RCAN2: variants seen among roughly 807,000 people sequenced by gnomAD.
RCAN2 encodes the protein regulator of calcineurin 2.
A neutral mutation model predicts 23.6 loss-of-function variants in RCAN2; 9 were observed. The observed-to-expected ratio is 0.38, with a 90% CI of 0.23 to 0.67. RCAN2 has a LOEUF of 0.67. RCAN2 is among the 30% of genes least tolerant of loss of function. The probability of loss-of-function intolerance (pLI) is 0.51; values close to 1 mark genes in which losing one functional copy is unlikely to be tolerated. For missense variants in RCAN2, 273 were observed against 302.3 expected, an observed-to-expected ratio of 0.90 and a Z score of 0.72; for synonymous variants, 109 against 115.7, an observed-to-expected ratio of 0.94 and a Z score of 0.37.
chr6:46,274,633 C>T (rs529037633), intron 2 of RCAN2, among the ~76,000 whole-genome samples: 53 of 152,302 alleles, frequency 3.5e-4, no homozygotes, highest in African/African-American at 1.2e-3. Flanking sequence ...CTGTGCCTCA[C>T]CACCTGGAGA....
intron 1 of RCAN2, among the ~76,000 whole-genome samples, chr6:46,458,823 T>TC (rs1768124004): frequency 6.6e-6 from 1 of 152,250 alleles, no homozygotes; most frequent in African/African-American, 2.4e-5. Flanking sequence ...GTTTTAATAG[T>TC]AAAAATATTT....
At chr6:46,446,767 A>T (rs1349974417) in intron 2 of RCAN2, among the ~76,000 whole-genome samples, 1 of 152,184 alleles carries the variant, frequency 6.6e-6, no homozygotes. Context: ...AGCATAAAAA[A>T]GTCTATTATA....
chr6:46,453,445 G>A (rs925506692), intron 2 of RCAN2, among the ~76,000 whole-genome samples: 2 of 152,122 alleles, frequency 1.3e-5, no homozygotes, highest in Admixed American at 6.5e-5. Flanking sequence ...ACAATCTCAC[G>A]GAATTCTGCC....
chr6:46,250,327 T>C (rs1243121054), intron 2 of RCAN2, among the ~76,000 whole-genome samples: 1 of 152,232 alleles, frequency 6.6e-6, no homozygotes, highest in African/African-American at 2.4e-5. Context: ...ATAAGAAAAC[T>C]AGTATATGTT....
At chr6:46,236,371 C>T (rs1182636696) in intron 4 of RCAN2, among the ~76,000 whole-genome samples, 1 of 151,976 alleles carries the variant, frequency 6.6e-6, no homozygotes, top group Non-Finnish European at 1.5e-5. Flanking sequence ...CTTTCCTAAC[C>T]TTTTCTATAC....
intron 2 of RCAN2, among the ~76,000 whole-genome samples, chr6:46,276,593 TA>T (rs1767715518): frequency 6.6e-6 from 1 of 152,222 alleles, no homozygotes; most frequent in Middle Eastern, 3.2e-3. Flanking sequence ...TCTGAAGGGT[TA>T]TACACAGTCT....
At chr6:46,341,171 T>C (rs1206490393) in intron 2 of RCAN2, among the ~76,000 whole-genome samples, 1 of 152,224 alleles carries the variant, frequency 6.6e-6, no homozygotes, top group East Asian at 1.9e-4. Context: ...TATCTCTGAA[T>C]CTTGTCAAGC....
chr6:46,291,923 G>A (rs7774076), intron 2 of RCAN2, among the ~76,000 whole-genome samples: 5,375 of 152,256 alleles, frequency 0.035, 288 homozygotes, highest in African/African-American at 0.12. Context: ...CAGCACTGGC[G>A]AAGATACAGA....
chr6:46,298,514 C>T (rs945887849), intron 2 of RCAN2, among the ~76,000 whole-genome samples: 2 of 152,024 alleles, frequency 1.3e-5, no homozygotes, highest in African/African-American at 4.8e-5. Flanking sequence ...TATGCTAAAC[C>T]AATAATTTTT....
At chr6:46,438,378 G>A (rs1299554224) in intron 2 of RCAN2, 2 of 152,448 alleles carry the variant, frequency 1.3e-5, no homozygotes, top group African/African-American at 4.8e-5. Context: ...CATAAGCCAA[G>A]GCACAGCTGC....
intron 2 of RCAN2, among the ~76,000 whole-genome samples, chr6:46,302,429 C>A (rs1320941158): frequency 6.6e-6 from 1 of 152,018 alleles, no homozygotes; most frequent in Non-Finnish European, 1.5e-5. Context: ...CTCTGCTGCC[C>A]AGATCACCAG....
intron 4 of RCAN2, among the ~76,000 whole-genome samples, chr6:46,232,030 A>G (rs182135006): frequency 6.6e-6 from 1 of 152,246 alleles, no homozygotes; most frequent in Non-Finnish European, 1.5e-5. Context: ...TGCATCAACA[A>G]GCATTGAATC....
At chr6:46,430,645 A>C (rs1415584455) in intron 2 of RCAN2, among the ~76,000 whole-genome samples, 2 of 152,202 alleles carry the variant, frequency 1.3e-5, no homozygotes, top group Non-Finnish European at 2.9e-5. Context: ...TCTCATCGGG[A>C]ATGTGGATTT....
chr6:46,350,414 G>C (rs1465222640), intron 2 of RCAN2, among the ~76,000 whole-genome samples: 1 of 152,210 alleles, frequency 6.6e-6, no homozygotes, highest in African/African-American at 2.4e-5. Context: ...TTAGATGGGG[G>C]CAGTGTTGCT....
chr6:46,445,535 C>T (rs1767680988), intron 2 of RCAN2, among the ~76,000 whole-genome samples: 1 of 152,146 alleles, frequency 6.6e-6, no homozygotes, highest in African/African-American at 2.4e-5. Context: ...GAATTAGAAA[C>T]AATCAGGGAA....
intron 2 of RCAN2, among the ~76,000 whole-genome samples, chr6:46,339,810 A>G (rs1217638976): frequency 9.2e-5 from 14 of 152,144 alleles, no homozygotes; most frequent in African/African-American, 2.7e-4. Context: ...CAGGGCCTGT[A>G]TATATACAAA....
At chr6:46,251,661 C>G (rs1766726128) in intron 2 of RCAN2, among the ~76,000 whole-genome samples, 1 of 152,034 alleles carries the variant, frequency 6.6e-6, no homozygotes, top group South Asian at 2.1e-4. Flanking sequence ...TTTATCAGAG[C>G]AGTTTGGCCT....
At chr6:46,472,257 C>T (rs951273037) in intron 1 of RCAN2, among the ~76,000 whole-genome samples, 1 of 152,096 alleles carries the variant, frequency 6.6e-6, no homozygotes, top group Non-Finnish European at 1.5e-5. Flanking sequence ...GAAAATATAT[C>T]CCAAACTCCA....
At chr6:46,266,722 C>G (rs1029597182) in intron 2 of RCAN2, among the ~76,000 whole-genome samples, 4 of 152,156 alleles carry the variant, frequency 2.6e-5, no homozygotes, top group African/African-American at 9.7e-5. Context: ...CCCACAGGGT[C>G]CCAGTGATCA....
Sources: gnomAD v4.1 joint callset for allele counts (sites outside exome capture counted in the v4.1 genomes callset) on GRCh38, gnomAD v4.1.1 for gene constraint, MANE v1.5 for transcripts, NCBI Gene and HGNC (gene_info 2026-07-23, HGNC 2026-07-21) for gene names.